CTTNBP2: variants seen among roughly 807,000 people sequenced by gnomAD.
CTTNBP2 encodes cortactin-binding protein 2.
In CTTNBP2, 108 loss-of-function variants were observed where a neutral mutation model predicts 156.9. The observed-to-expected ratio is 0.69, with a 90% CI of 0.59 to 0.81. The LOEUF (loss-of-function observed/expected upper bound fraction) is 0.81. Among genes scored for constraint, CTTNBP2 ranks in the 30% least tolerant of loss-of-function variants. The pLI, the probability that CTTNBP2 is intolerant of heterozygous loss-of-function variation, is 0.00. For synonymous variants in CTTNBP2, 767 were observed against 751.8 expected (o/e 1.02, Z -0.33); for missense variants, 1,924 against 2,035.4 (o/e 0.95, Z 1.05).
intron 3 of CTTNBP2, among the ~76,000 whole-genome samples, chr7:117,801,528 T>C (rs544941005): frequency 5.9e-5 from 9 of 152,312 alleles, no homozygotes; most frequent in South Asian, 2.1e-4. Flanking sequence ...AAGACCATTA[T>C]TGGAACAACT....
intron 6 of CTTNBP2, among the ~76,000 whole-genome samples, chr7:117,782,653 C>A (rs1192188607): frequency 6.6e-6 from 1 of 152,192 alleles, no homozygotes; most frequent in Non-Finnish European, 1.5e-5. Context: ...CAGCCCAGTT[C>A]TCTTCTTCAC....
intron 20 of CTTNBP2, 111 bp downstream of exon 20, chr7:117,720,954 ACC>A: frequency 1.3e-6 from 1 of 767,228 alleles, no homozygotes; most frequent in Non-Finnish European, 2.3e-6. Flanking sequence ...CTTTTTTAAA[ACC>A]ATATTAACAT....
chr7:117,853,458 A>G (rs1210824598), intron 2 of CTTNBP2, among the ~76,000 whole-genome samples: 1 of 152,154 alleles, frequency 6.6e-6, no homozygotes, highest in Non-Finnish European at 1.5e-5. Flanking sequence ...CTTATAATCA[A>G]AACATAGAAT....
intron 3 of CTTNBP2, among the ~76,000 whole-genome samples, chr7:117,801,016 A>C (rs1799577173): frequency 6.6e-6 from 1 of 152,166 alleles, no homozygotes; most frequent in Non-Finnish European, 1.5e-5. Context: ...GAGGGCTCCC[A>C]GTGGCCAAAT....
intron 2 of CTTNBP2, among the ~76,000 whole-genome samples, chr7:117,817,194 T>G (rs1258250449): frequency 2.0e-5 from 3 of 148,802 alleles, no homozygotes; most frequent in Non-Finnish European, 3.0e-5. Context: ...ATTAGCCGGG[T>G]GTGGTGGTGG....
intron 3 of CTTNBP2, among the ~76,000 whole-genome samples, chr7:117,794,282 A>T (rs1375567650): frequency 6.6e-6 from 1 of 152,046 alleles, no homozygotes; most frequent in Non-Finnish European, 1.5e-5. Flanking sequence ...CAAAGGACTC[A>T]CCCCAAGCTG....
chr7:117,792,347 C>A lies in CTTNBP2; in HGVS notation c.849G>T (p.Arg283=). 6.2e-7 allele frequency: 1 copy of A among 1,614,196 alleles called. No homozygotes were observed. The highest frequency in any genetic ancestry group is 1.1e-5 in the South Asian group (1 of 91,080). The change falls in exon 4 of 23, where the codon CGG becomes CGT. Residue 283 remains arginine (R), a synonymous_variant. Coordinates refer to ENST00000160373, the MANE Select transcript of CTTNBP2 (RefSeq NM_033427.3). The surrounding 1 kb of genome is among the most constrained non-coding windows in gnomAD (Gnocchi z 4.2). ...AAACCAAACGCCTATCTTTTGTCTT[C>A]CGTGGAAGAGAGAGGCTTGGTTTGC... is the stretch of plus-strand genomic sequence containing the variant. ...SDSKPSLSLP[R]KTKDRRLVSI... is the part of the protein sequence containing the mutation.
intron 8 of CTTNBP2, among the ~76,000 whole-genome samples, chr7:117,769,094 G>C (rs141861078): frequency 6.6e-6 from 1 of 152,156 alleles, no homozygotes; most frequent in African/African-American, 2.4e-5. Context: ...CATGTTCTAC[G>C]TTAGTCCATA....
At chr7:117,769,161 A>T (rs971287115) in intron 8 of CTTNBP2, among the ~76,000 whole-genome samples, 1 of 152,278 alleles carries the variant, frequency 6.6e-6, no homozygotes, top group South Asian at 2.1e-4. Flanking sequence ...AGGAGTATAC[A>T]TGAGTTCCAG....
intron 11 of CTTNBP2, 103 bp downstream of exon 11, chr7:117,757,772 C>A: frequency 1.4e-6 from 1 of 692,926 alleles, no homozygotes; most frequent in East Asian, 2.8e-5. Context: ...ATGTGCGTGG[C>A]TAGAAGACAT....
intron 2 of CTTNBP2, among the ~76,000 whole-genome samples, chr7:117,820,019 C>T (rs1049444974): frequency 1.3e-5 from 2 of 152,202 alleles, no homozygotes; most frequent in African/African-American, 4.8e-5. Context: ...CTCTCCTTTC[C>T]GAAATCTCCT....
chr7:117,775,302 GGA>G (rs1279245429), intron 8 of CTTNBP2, among the ~76,000 whole-genome samples: 1 of 152,048 alleles, frequency 6.6e-6, no homozygotes, highest in Non-Finnish European at 1.5e-5. Flanking sequence ...AAAAAACACA[GGA>G]GAGTCATAGT....
chr7:117,767,150 G>A lies in CTTNBP2; in HGVS notation c.2805C>T (p.His935=), dbSNP rs143734924. ...FKNCLEILCR[H]GGLEPERRDK... is the part of the protein sequence containing the mutation. ...CTCTCCTTTCTGGCTCAAGCCCTCC[G>A]TGCCTACACAAGATTTCTAGGCAGT... is the stretch of plus-strand genomic sequence containing the variant. Residue 935 remains histidine, a synonymous_variant, in exon 9 of 23, where the codon CAC becomes CAT. Coordinates refer to ENST00000160373, the MANE Select transcript of CTTNBP2 (RefSeq NM_033427.3). 101 of 1,609,638 alleles carry A rather than the reference G, an allele frequency of 6.3e-5. No homozygotes were observed. The highest frequency in any genetic ancestry group is 5.5e-4 in the South Asian group (50 of 90,994).
intron 2 of CTTNBP2, among the ~76,000 whole-genome samples, chr7:117,822,095 G>T (rs987330775): frequency 1.1e-4 from 17 of 152,010 alleles, no homozygotes; most frequent in African/African-American, 3.9e-4. Context: ...AAGGCTATTT[G>T]GATTTTTTAT....
chr7:117,855,435 A>G (rs983376508), intron 2 of CTTNBP2, among the ~76,000 whole-genome samples: 1 of 152,158 alleles, frequency 6.6e-6, no homozygotes, highest in Non-Finnish European at 1.5e-5. Context: ...ATCAGTTTTA[A>G]AAATAGTCCC....
chr7:117,866,399 C>G (rs2117280784), intron 1 of CTTNBP2, among the ~76,000 whole-genome samples: 1 of 152,294 alleles, frequency 6.6e-6, no homozygotes, highest in East Asian at 1.9e-4. Context: ...TCAGATCTTT[C>G]CTCAAACACA....
chr7:117,808,709 A>AT (rs961288277), intron 3 of CTTNBP2, among the ~76,000 whole-genome samples: 19 of 151,938 alleles, frequency 1.3e-4, no homozygotes, highest in Admixed American at 6.6e-4. Context: ...AAAATAATGG[A>AT]TTTTTTTTCC....
At chr7:117,798,092 A>G (rs910582798) in intron 3 of CTTNBP2, among the ~76,000 whole-genome samples, 1 of 152,204 alleles carries the variant, frequency 6.6e-6, no homozygotes, top group Admixed American at 6.5e-5. Flanking sequence ...TGCAACATAA[A>G]TGATGGCAAT....
rs192465250 is a variant in CTTNBP2, at chr7:117,808,563, C to T, written c.414+2202G>A. The stretch of plus-strand genomic sequence containing the variant: ...TGCCTTGAGAGGCAAACTAGAGCAG[C>T]GCTCAGGCCAAGTGTCTTAGAATTA... On this transcript the variant is annotated intron_variant, in intron 3 of 22. Transcript: ENST00000160373. 6.6e-5 allele frequency among the ~76,000 whole-genome samples: 10 copies of T among 152,306 alleles called. No homozygotes were observed. In the East Asian group the frequency reaches 1.5e-3, roughly 23 times the overall value.
Sources: gnomAD v4.1 joint callset for allele counts (sites outside exome capture counted in the v4.1 genomes callset) on GRCh38, gnomAD v4.1.1 for gene constraint, Gnocchi (gnomAD v3.1) non-coding constraint, MANE v1.5 for transcripts, NCBI Gene and HGNC (gene_info 2026-07-23, HGNC 2026-07-21) for gene names.